Variants in CSMD1 observed in about 807,000 individuals in gnomAD.
CSMD1 encodes the protein CUB and Sushi multiple domains 1, also known as CUB and sushi domain-containing protein 1.
In CSMD1, 213 loss-of-function variants were observed where a neutral mutation model predicts 417.5. The observed-to-expected ratio is 0.51, with a 90% confidence interval of 0.46 to 0.57. CSMD1 has a LOEUF of 0.57. Ranked by LOEUF, CSMD1 falls within the 20% of genes least tolerant of loss-of-function variation. The pLI is 0.00. For synonymous variants in CSMD1, 2,862 were observed against 1,736.8 expected (o/e 1.65, Z -16.11); for missense variants, 6,923 against 4,529.7 (o/e 1.53, Z -15.17).
intron 2 of CSMD1, among the ~76,000 whole-genome samples, chr8:4,522,084 C>T (rs575711819): frequency 6.6e-6 from 1 of 152,192 alleles, no homozygotes; most frequent in Admixed American, 6.5e-5. Context: ...AATTGTAGCT[C>T]CCATGATTCC....
intron 1 of CSMD1, among the ~76,000 whole-genome samples, chr8:4,641,062 A>G (rs149816804): frequency 1.1e-4 from 16 of 151,594 alleles, no homozygotes; most frequent in Non-Finnish European, 2.2e-4. Context: ...ATATATATAT[A>G]TGAACACACT....
intron 2 of CSMD1, among the ~76,000 whole-genome samples, chr8:4,454,705 T>C (rs1412949839): frequency 6.6e-6 from 1 of 152,170 alleles, no homozygotes; most frequent in Non-Finnish European, 1.5e-5. Context: ...CTAATCAACC[T>C]GAAACTTTCG....
chr8:3,878,222 G>T (rs888522184), intron 5 of CSMD1, among the ~76,000 whole-genome samples: 7 of 152,212 alleles, frequency 4.6e-5, no homozygotes, highest in African/African-American at 1.4e-4. Flanking sequence ...ATATCAAGTA[G>T]TGAGAAGTCG....
intron 18 of CSMD1, among the ~76,000 whole-genome samples, chr8:3,371,410 A>G (rs1359258152): frequency 2.0e-5 from 3 of 152,138 alleles, no homozygotes; most frequent in African/African-American, 7.2e-5. Context: ...GGAGCTCACA[A>G]TAGTGTCTCA....
chr8:3,516,390 G>A lies in CSMD1; in HGVS notation c.1345-22664C>T, dbSNP rs1797283379. On this transcript the variant is annotated intron_variant, in intron 10 of 69. Transcript: ENST00000635120. ...TAGTATAATAGAAAAATACTGGGAT[G>A]TGTCAAAAGCCCTGGAATGCAGACT... Among the ~76,000 whole-genome samples, 2 of 152,300 alleles carry A rather than the reference G, an allele frequency of 1.3e-5. 1 individual carries two copies. The highest frequency in any genetic ancestry group is 4.1e-4 in the South Asian group (2 of 4,824).
At chr8:4,573,743 C>G (rs936144140) in intron 2 of CSMD1, among the ~76,000 whole-genome samples, 1 of 152,184 alleles carries the variant, frequency 6.6e-6, no homozygotes, top group Admixed American at 6.5e-5. Flanking sequence ...CCCCCAGGTG[C>G]TCTGTCCCAG....
chr8:4,330,926 T>C (rs1450946427), intron 3 of CSMD1, among the ~76,000 whole-genome samples: 1 of 152,112 alleles, frequency 6.6e-6, no homozygotes, highest in Non-Finnish European at 1.5e-5. Context: ...TACATTGGAT[T>C]CACTTTTCCC....
At chr8:4,251,683 C>G (rs928580777) in intron 3 of CSMD1, among the ~76,000 whole-genome samples, 1 of 151,998 alleles carries the variant, frequency 6.6e-6, no homozygotes, top group African/African-American at 2.4e-5. Flanking sequence ...TGGTGGGGAG[C>G]AAAGACCTTG....
intron 1 of CSMD1, among the ~76,000 whole-genome samples, chr8:4,680,950 A>ATGTGTGTG (rs71209112): frequency 9.0e-4 from 130 of 144,480 alleles, no homozygotes; most frequent in African/African-American, 2.3e-3. Flanking sequence ...ATCTATATTG[A>ATGTGTGTG]TGTGTGTGTG....
In CSMD1 at chr8:3,993,885, A is replaced by G. The variant is rs114496108; in HGVS notation, c.818+4018T>C. Among the ~76,000 whole-genome samples the G allele has an allele frequency of 1.5e-3, 231 of 152,284 alleles. 1 individual carries two copies. Among genetic ancestry groups the G allele is most frequent in the African/African-American group, 5.0e-3 (207 of 41,564 alleles). On this transcript the variant is annotated intron_variant, in intron 5 of 69. Transcript: ENST00000635120. Reference sequence around the variant, plus strand: ...ATTATGATAATGGGATCGACAAAAGATAGGCAGTGGGCGATTTCCACGTGG... The same window carrying G: ...ATTATGATAATGGGATCGACAAAAGGTAGGCAGTGGGCGATTTCCACGTGG...
intron 6 of CSMD1, among the ~76,000 whole-genome samples, chr8:3,741,237 A>G (rs1483103880): frequency 6.6e-6 from 1 of 150,882 alleles, no homozygotes; most frequent in Non-Finnish European, 1.5e-5. Context: ...AAAAAAAAAA[A>G]AAAACATACA....
At chr8:4,506,954 G>A (rs921202984) in intron 2 of CSMD1, among the ~76,000 whole-genome samples, 4 of 152,012 alleles carry the variant, frequency 2.6e-5, no homozygotes, top group African/African-American at 4.8e-5. Context: ...AAAGGTGATC[G>A]AATACATTTT....
Position 3,279,711 on chromosome 8 carries a change from C to A in CSMD1, c.4153+4433G>T, listed in dbSNP as rs376325327. On this transcript the variant is annotated intron_variant, in intron 26 of 69. Transcript: ENST00000635120. The stretch of plus-strand genomic sequence containing the variant: ...GGCTGGGGAGGCCTCAGGAAACTTA[C>A]AATCATGGAGGAAGGTGAAGGGGAA... Among the ~76,000 whole-genome samples the A allele has an allele frequency of 2.8e-4, 43 of 152,166 alleles. 1 individual carries two copies. The East Asian group carries it at 5.2e-3, about 19-fold the overall frequency.
chr8:4,800,215 G>C (rs769248674), intron 1 of CSMD1, among the ~76,000 whole-genome samples: 1 of 152,170 alleles, frequency 6.6e-6, no homozygotes, highest in East Asian at 1.9e-4. Flanking sequence ...AAGGCGGATG[G>C]ATCACCTGAG....
intron 2 of CSMD1, among the ~76,000 whole-genome samples, chr8:4,630,367 G>T (rs1006057687): frequency 2.0e-5 from 3 of 151,330 alleles, no homozygotes; most frequent in Non-Finnish European, 4.4e-5. Context: ...AGAGAATTAG[G>T]TATAACCATG....
At chr8:3,821,916 G>A (rs747926366) in intron 5 of CSMD1, among the ~76,000 whole-genome samples, 2 of 152,198 alleles carry the variant, frequency 1.3e-5, no homozygotes, top group Admixed American at 6.5e-5. Context: ...AGCTGGATGC[G>A]ATGAAGACAA....
chr8:4,457,488 T>C (rs529721113), intron 2 of CSMD1, among the ~76,000 whole-genome samples: 1 of 152,236 alleles, frequency 6.6e-6, no homozygotes, highest in South Asian at 2.1e-4. Flanking sequence ...ACCTGTAGTT[T>C]TCTATAAGAA....
intron 6 of CSMD1, among the ~76,000 whole-genome samples, chr8:3,708,990 G>T (rs561299319): frequency 6.6e-6 from 1 of 152,262 alleles, no homozygotes; most frequent in South Asian, 2.1e-4. Context: ...GGAAAGGCAT[G>T]CTCTACGTGC....
chr8:3,966,080 G>C (rs186524382), intron 5 of CSMD1, among the ~76,000 whole-genome samples: 43 of 152,272 alleles, frequency 2.8e-4, no homozygotes, highest in African/African-American at 1.0e-3. Context: ...CGAATGTCCA[G>C]GAGTAGGGAC....
Sources: gnomAD v4.1 joint callset for allele counts (sites outside exome capture counted in the v4.1 genomes callset) on GRCh38, gnomAD v4.1.1 for gene constraint, MANE v1.5 for transcripts, NCBI Gene and HGNC (gene_info 2026-07-23, HGNC 2026-07-21) for gene names.